The following GRIK4 variants were observed in gnomAD, a reference collection of about 807,000 sequenced individuals.
GRIK4 encodes the protein glutamate receptor ionotropic, kainate 4.
A neutral mutation model predicts 104.9 loss-of-function variants in GRIK4; 40 were observed. The observed-to-expected ratio is 0.38, with a 90% CI of 0.30 to 0.50. The LOEUF (loss-of-function observed/expected upper bound fraction) is 0.50. GRIK4 is among the 20% of genes least tolerant of loss of function. The pLI, the probability that GRIK4 is intolerant of heterozygous loss-of-function variation, is 0.93. For missense variants in GRIK4, 1,047 were observed against 1,308.1 expected (o/e 0.80, Z 3.08); for synonymous variants, 485 against 524.9 (o/e 0.92, Z 1.04).
intron 3 of GRIK4, among the ~76,000 whole-genome samples, chr11:120,692,589 C>T (rs7925270): frequency 0.48 from 73,026 of 151,806 alleles, 17,845 homozygotes; most frequent in African/African-American, 0.55. Flanking sequence ...TGAGTTAAAG[C>T]TGGCCGGATG....
At chr11:120,927,565 C>CAAAAA (rs56223442) in intron 13 of GRIK4, among the ~76,000 whole-genome samples, 32 of 101,568 alleles carry the variant, frequency 3.2e-4, no homozygotes, top group African/African-American at 3.9e-4. Flanking sequence ...GACTCTGTCT[C>CAAAAA]AAAAAAAAAA....
rs1384668438 is a variant in GRIK4, at chr11:120,987,218, G to A, written c.*958G>A. ...TATCCTAGGACTTTGTTTAAGGAGC[G>A]GAAAGAGCAGATAGAATTTTCCCAT... On this transcript the variant is annotated 3_prime_UTR_variant, in exon 21 of 21. Transcript: ENST00000527524. The A allele has an allele frequency of 1.3e-5, 2 of 152,240 alleles. No individual in the cohort carries two copies. Among genetic ancestry groups the A allele is most frequent in the South Asian group, 2.1e-4 (1 of 4,826 alleles). The allele number at this position is 152,240 out of a possible 1,614,324, so 9.4% of individuals were successfully genotyped here. A position where few individuals can be genotyped will look rare whatever the true frequency, so the allele number is the denominator to read the frequency against.
At chr11:120,690,726 G>T (rs1708384463) in intron 3 of GRIK4, among the ~76,000 whole-genome samples, 1 of 152,240 alleles carries the variant, frequency 6.6e-6, no homozygotes, top group Non-Finnish European at 1.5e-5. Context: ...CCAACAGCCA[G>T]GTGTCTTGTT....
intron 1 of GRIK4, among the ~76,000 whole-genome samples, chr11:120,530,282 G>A (rs577726442): frequency 2.6e-5 from 4 of 152,310 alleles, no homozygotes; most frequent in South Asian, 2.1e-4. Flanking sequence ...CAAATGAATC[G>A]GTCGATGGCC....
rs73586339 is a variant in GRIK4 at position 120,705,517 on chromosome 11, C to T, written c.82+45117C>T. Among the ~76,000 whole-genome samples, 1,282 of 152,280 alleles carry T rather than the reference C, an allele frequency of 8.4e-3. 19 individuals are homozygous for T. Among genetic ancestry groups the T allele is most frequent in the African/African-American group, 0.029 (1,207 of 41,562 alleles). On this transcript the variant is annotated intron_variant, in intron 3 of 20. Transcript: ENST00000527524. ...TTGGGATTACAGGTGTGAGCCACTG[C>T]ACCTCGCCCAGCTTTTCCATTTCTA...
At chr11:120,601,363 G>A (rs951407228) in intron 1 of GRIK4, among the ~76,000 whole-genome samples, 5 of 152,234 alleles carry the variant, frequency 3.3e-5, no homozygotes, top group East Asian at 1.9e-4. Flanking sequence ...CCGAGATTGC[G>A]CCACTGCACT....
At chr11:120,721,091 G>A (rs142218334) in intron 3 of GRIK4, among the ~76,000 whole-genome samples, 101 of 152,200 alleles carry the variant, frequency 6.6e-4, no homozygotes, top group African/African-American at 2.3e-3. Flanking sequence ...TTTTCTGGAG[G>A]TAACTGTCTA....
rs551129002 is a variant in GRIK4 at position 120,903,642 on chromosome 11, C to T, written c.1273-1648C>T. On this transcript the variant is annotated intron_variant, in intron 12 of 20. Transcript: ENST00000527524. This position sits in a 1 kb window ranked among gnomAD's most constrained non-coding sequence, Gnocchi z 4.4. Reference sequence around the variant, plus strand: ...TGCTGCCCTTCAAGCTGCCCTCCAACGTAGGGAGTCACAGAATCACAGAAT... The same window carrying T: ...TGCTGCCCTTCAAGCTGCCCTCCAATGTAGGGAGTCACAGAATCACAGAAT... 3.3e-5 allele frequency among the ~76,000 whole-genome samples: 5 copies of T among 152,340 alleles called. No individual in the cohort carries two copies. Among genetic ancestry groups the T allele is most frequent in the Admixed American group, 2.0e-4 (3 of 15,306 alleles).
At chr11:120,735,039 G>A (rs1951196777) in intron 3 of GRIK4, among the ~76,000 whole-genome samples, 1 of 152,202 alleles carries the variant, frequency 6.6e-6, no homozygotes, top group Non-Finnish European at 1.5e-5. Context: ...CGTTTTGAAA[G>A]GTCACATATC....
intron 4 of GRIK4, among the ~76,000 whole-genome samples, chr11:120,805,762 G>A (rs949343437): frequency 3.3e-5 from 5 of 152,216 alleles, no homozygotes; most frequent in Admixed American, 6.5e-5. Context: ...TAAGGGGGCA[G>A]GTGGGTTGTG....
intron 13 of GRIK4, among the ~76,000 whole-genome samples, chr11:120,909,350 A>G (rs1214866814): frequency 6.6e-6 from 1 of 152,248 alleles, no homozygotes; most frequent in African/African-American, 2.4e-5. Flanking sequence ...TTCTTGTTCA[A>G]GAAGTATATG....
intron 13 of GRIK4, among the ~76,000 whole-genome samples, chr11:120,933,673 A>C (rs1348244592): frequency 6.6e-6 from 1 of 152,184 alleles, no homozygotes; most frequent in Non-Finnish European, 1.5e-5. Flanking sequence ...ATGATTTATA[A>C]GGCTCTTCTA....
At chr11:120,802,472 G>A (rs1265835800) in intron 3 of GRIK4, among the ~76,000 whole-genome samples, 1 of 152,130 alleles carries the variant, frequency 6.6e-6, no homozygotes, top group Non-Finnish European at 1.5e-5. Context: ...TTCCCGAGGC[G>A]TGCATCCACA....
At position 120,786,450 on chromosome 11, in the gene GRIK4, C is replaced by T. The variant is rs114721217; in HGVS notation, c.83-16243C>T. Among the ~76,000 whole-genome samples, 572 of 152,310 alleles carry T rather than the reference C, an allele frequency of 3.8e-3. 5 individuals are homozygous for T. The highest frequency in any genetic ancestry group is 0.013 in the African/African-American group (532 of 41,580). On this transcript the variant is annotated intron_variant, in intron 3 of 20. Transcript: ENST00000527524. ...GGACAGCTTTTTCTGGGTGTTACTCCCTTTCCTGTCCAGTGGAAAAGGCCC... is the reference window on the plus strand; with the variant it reads ...GGACAGCTTTTTCTGGGTGTTACTCTCTTTCCTGTCCAGTGGAAAAGGCCC...
At chr11:120,592,992 G>C (rs916076873) in intron 1 of GRIK4, among the ~76,000 whole-genome samples, 3 of 152,112 alleles carry the variant, frequency 2.0e-5, no homozygotes, top group Admixed American at 6.5e-5. Flanking sequence ...AGACCAGCCT[G>C]CCCAACATGG....
intron 14 of GRIK4, among the ~76,000 whole-genome samples, chr11:120,943,877 A>C (rs1420772465): frequency 6.6e-6 from 1 of 152,238 alleles, no homozygotes; most frequent in Non-Finnish European, 1.5e-5. Flanking sequence ...ATGCCTCTGA[A>C]GTCTAAAGAA....
chr11:120,754,947 C>T (rs1245410255), intron 3 of GRIK4, among the ~76,000 whole-genome samples: 3 of 152,086 alleles, frequency 2.0e-5, no homozygotes, highest in Non-Finnish European at 4.4e-5. Context: ...ATATGATTTG[C>T]AAATATTTTC....
chr11:120,822,704 G>A (rs565217756), intron 6 of GRIK4, among the ~76,000 whole-genome samples: 141 of 152,286 alleles, frequency 9.3e-4, no homozygotes, highest in South Asian at 3.1e-3. Context: ...AGGACAGCTC[G>A]GCTTTGATGA....
At chr11:120,841,854 G>A (rs1318717985) in intron 8 of GRIK4, among the ~76,000 whole-genome samples, 1 of 152,146 alleles carries the variant, frequency 6.6e-6, no homozygotes, top group Non-Finnish European at 1.5e-5. Flanking sequence ...TCTATTTGAA[G>A]TGTGCAAATT....
Sources: gnomAD v4.1 joint callset for allele counts (sites outside exome capture counted in the v4.1 genomes callset) on GRCh38, gnomAD v4.1.1 for gene constraint, Gnocchi (gnomAD v3.1) non-coding constraint, MANE v1.5 for transcripts, NCBI Gene and HGNC (gene_info 2026-07-23, HGNC 2026-07-21) for gene names.